The following NAV1 variants were observed in gnomAD, a reference collection of about 807,000 sequenced individuals.
The protein encoded by NAV1 is neuron navigator 1.
A neutral mutation model predicts 175.2 loss-of-function variants in NAV1; 18 were observed. The observed-to-expected ratio is 0.10, with a 90% CI of 0.07 to 0.15. The LOEUF (loss-of-function observed/expected upper bound fraction) is 0.15. Among genes scored for constraint, NAV1 ranks in the 10% least tolerant of loss-of-function variants. The probability of loss-of-function intolerance (pLI) is 1.00; values close to 1 mark genes in which losing one functional copy is unlikely to be tolerated. For synonymous variants in NAV1, 897 were observed against 978.7 expected (o/e 0.92, Z 1.56); for missense variants, 1,731 against 2,436.6 (o/e 0.71, Z 6.10).
chr1:201,663,280 G>C (rs900330173), intron 1 of NAV1, among the ~76,000 whole-genome samples: 3 of 152,204 alleles, frequency 2.0e-5, no homozygotes, highest in Admixed American at 2.0e-4. Flanking sequence ...GAAAATAGAA[G>C]AAATAATATG....
At chr1:201,804,204 T>C in intron 16 of NAV1, 1 of 535,874 alleles carries the variant, frequency 1.9e-6, no homozygotes, top group Non-Finnish European at 3.3e-6. Flanking sequence ...GAAGTCATTT[T>C]TGTACGTGTG....
chr1:201,589,519 C>G (rs1254101863), intron 2 of NAV1, among the ~76,000 whole-genome samples: 6 of 152,020 alleles, frequency 3.9e-5, no homozygotes, highest in African/African-American at 1.5e-4. Context: ...TGAGAAGAGG[C>G]CTTACTCAGT....
intron 1 of NAV1, among the ~76,000 whole-genome samples, chr1:201,555,623 T>C (rs954891360): frequency 1.3e-5 from 2 of 151,922 alleles, no homozygotes; most frequent in Admixed American, 1.3e-4. Context: ...GTCCCAAGCA[T>C]CTTCTATCCC....
chr1:201,570,963 A>G (rs1013312524), intron 1 of NAV1, among the ~76,000 whole-genome samples: 6 of 152,230 alleles, frequency 3.9e-5, no homozygotes, highest in Admixed American at 2.6e-4. Context: ...CCTGAGCTTC[A>G]TCGAATCTCA....
At chr1:201,719,865 C>T (rs1156331201) in intron 3 of NAV1, among the ~76,000 whole-genome samples, 1 of 152,092 alleles carries the variant, frequency 6.6e-6, no homozygotes, top group Non-Finnish European at 1.5e-5. Flanking sequence ...AAAGTAGCCT[C>T]TCCTCGGAAA....
chr1:201,661,816 T>C (rs1475369701), intron 1 of NAV1, among the ~76,000 whole-genome samples: 1 of 152,202 alleles, frequency 6.6e-6, no homozygotes, highest in African/African-American at 2.4e-5. Flanking sequence ...CCCAGAGTGC[T>C]GCATCTAGCG....
rs1254987304 is a variant in NAV1 at position 201,812,324 on chromosome 1, G to C, written c.5025-141G>C. 1 of 806,906 alleles carries C rather than the reference G, an allele frequency of 1.2e-6. No homozygotes were observed. The highest frequency in any genetic ancestry group is 2.0e-6 in the Non-Finnish European group (1 of 511,298). 50.0% of individuals were successfully genotyped at this position (806,906 alleles called of 1,614,324 possible). On this transcript the variant is annotated intron_variant, in intron 26 of 29. Transcript: ENST00000367296. The surrounding 1 kb of genome is among the most constrained non-coding windows in gnomAD (Gnocchi z 4.6). ...CCCCAGGGCTGCTGCTCTGAGTTCC[G>C]ATGTCCCCACTATTACTTGAAAAGA...
intron 1 of NAV1, among the ~76,000 whole-genome samples, chr1:201,682,222 G>T (rs1193088506): frequency 6.6e-6 from 1 of 151,990 alleles, no homozygotes; most frequent in African/African-American, 2.4e-5. Flanking sequence ...GGAGGCGGAG[G>T]TTGCAGTGAG....
In NAV1 at chr1:201,663,090, C is replaced by G. The variant is rs114846794; in HGVS notation, c.757+13665C>G. Among the ~76,000 whole-genome samples, 592 of 152,318 alleles carry G rather than the reference C, an allele frequency of 3.9e-3. 5 individuals are homozygous for G. Among genetic ancestry groups the G allele is most frequent in the African/African-American group, 0.014 (563 of 41,572 alleles). The stretch of plus-strand genomic sequence containing the variant: ...CGGTCCATGTGGCGGAATAGGGATG[C>G]CCATGGTTTCATGCCTCCTCTGTCC... On this transcript the variant is annotated intron_variant, in intron 1 of 29. Transcript: ENST00000367296.
intron 1 of NAV1, among the ~76,000 whole-genome samples, chr1:201,706,396 C>T (rs971228993): frequency 1.4e-4 from 21 of 152,172 alleles, no homozygotes; most frequent in Middle Eastern, 3.4e-3. Context: ...CATTGCAGTT[C>T]ACCTCTTCTG....
intron 29 of NAV1, 87 bp from the exon 34 acceptor site, chr1:201,819,750 G>T: frequency 8.3e-7 from 1 of 1,211,024 alleles, no homozygotes; most frequent in Middle Eastern, 1.9e-4. Flanking sequence ...CTCCCAAAGT[G>T]TTGGGATTTT....
chr1:201,720,353 C>T (rs1193132620), intron 3 of NAV1, among the ~76,000 whole-genome samples: 1 of 152,142 alleles, frequency 6.6e-6, no homozygotes, highest in African/African-American at 2.4e-5. Flanking sequence ...GCCCTAGACC[C>T]TAGGGAGCTT....
intron 15 of NAV1, among the ~76,000 whole-genome samples, chr1:201,801,087 C>T (rs1398471987): frequency 6.6e-6 from 1 of 152,196 alleles, no homozygotes; most frequent in African/African-American, 2.4e-5. Flanking sequence ...CTTGGCCTCC[C>T]AAAGTGCTGG....
chr1:201,680,463 G>C (rs1020816423), intron 1 of NAV1, among the ~76,000 whole-genome samples: 1 of 152,036 alleles, frequency 6.6e-6, no homozygotes, highest in African/African-American at 2.4e-5. Flanking sequence ...CCGAGATCGC[G>C]CCATTGCACT....
At chr1:201,578,740 C>T (rs1666764013) in intron 1 of NAV1, among the ~76,000 whole-genome samples, 1 of 152,172 alleles carries the variant, frequency 6.6e-6, no homozygotes, top group African/African-American at 2.4e-5. Flanking sequence ...AGTGGGAGCA[C>T]AATTTTTCCT....
chr1:201,670,842 A>G (rs1158166642), intron 1 of NAV1, among the ~76,000 whole-genome samples: 1 of 151,024 alleles, frequency 6.6e-6, no homozygotes, highest in Admixed American at 6.6e-5. Flanking sequence ...TGTTTTGGTA[A>G]TGGTGGTAGA....
chr1:201,772,860 C>A (rs1272125350), intron 3 of NAV1, among the ~76,000 whole-genome samples: 1 of 151,916 alleles, frequency 6.6e-6, no homozygotes, highest in Non-Finnish European at 1.5e-5. Flanking sequence ...GGTGAAACCC[C>A]GTCTCTACTA....
At chr1:201,765,381 C>CTTTTTTTTTTTTTTTTTTTTTTTT (rs59583786) in intron 3 of NAV1, among the ~76,000 whole-genome samples, 3 of 98,616 alleles carry the variant, frequency 3.0e-5, no homozygotes, top group Non-Finnish European at 3.8e-5. Flanking sequence ...AGGAAATATT[C>CTTTTTTTTTTTTTTTTTTTTTTTT]TTTTTTTTTT....
At chr1:201,563,310 G>A (rs1666257620) in intron 1 of NAV1, among the ~76,000 whole-genome samples, 1 of 151,794 alleles carries the variant, frequency 6.6e-6, no homozygotes, top group Non-Finnish European at 1.5e-5. Context: ...GGCAGAGGGG[G>A]CGTTAACTCG....
Sources: gnomAD v4.1 joint callset for allele counts (sites outside exome capture counted in the v4.1 genomes callset) on GRCh38, gnomAD v4.1.1 for gene constraint, Gnocchi (gnomAD v3.1) non-coding constraint, MANE v1.5 for transcripts, NCBI Gene and HGNC (gene_info 2026-07-23, HGNC 2026-07-21) for gene names.